The following DNA2 variants were observed in gnomAD, a reference collection of about 807,000 sequenced individuals.
The protein encoded by DNA2 is DNA replication helicase/nuclease 2, also known as DNA replication ATP-dependent helicase/nuclease DNA2.
A neutral mutation model predicts 119.1 loss-of-function variants in DNA2; 101 were observed. The observed-to-expected ratio is 0.85, with a 90% CI of 0.72 to 1.00. The LOEUF is 1.00. DNA2 is among the 50% of genes least tolerant of loss of function. The pLI is 0.00. For missense variants in DNA2, 1,121 were observed against 1,255.5 expected (o/e 0.89, Z 1.62); for synonymous variants, 366 against 424.4 (o/e 0.86, Z 1.69).
chr10:68,426,266 A>G (rs2051739231), intron 14 of DNA2, among the ~76,000 whole-genome samples: 4 of 151,138 alleles, frequency 2.6e-5, no homozygotes, highest in Middle Eastern at 7.2e-3. Context: ...AGCCGGGCAC[A>G]GTGGCTCACG....
At chr10:68,449,594 T>C (rs967868129) in intron 6 of DNA2, among the ~76,000 whole-genome samples, 5 of 151,860 alleles carry the variant, frequency 3.3e-5, no homozygotes, top group Non-Finnish European at 5.9e-5. Context: ...CTGGGCAACA[T>C]GGCAAAACTC....
intron 7 of DNA2, among the ~76,000 whole-genome samples, 200 bp from the exon 8 acceptor site, chr10:68,445,283 G>A (rs1404982059): frequency 1.3e-5 from 2 of 152,076 alleles, no homozygotes; most frequent in Admixed American, 1.3e-4. Context: ...TAACCAACAC[G>A]GTGAAACCCC....
intron 14 of DNA2, among the ~76,000 whole-genome samples, chr10:68,425,174 A>C (rs1451861696): frequency 6.9e-6 from 1 of 145,008 alleles, no homozygotes; most frequent in Non-Finnish European, 1.5e-5. Context: ...GGCTCACTGC[A>C]ACCTCCGCCT....
At chr10:68,449,567 G>A (rs1484934255) in intron 6 of DNA2, among the ~76,000 whole-genome samples, 4 of 151,894 alleles carry the variant, frequency 2.6e-5, no homozygotes, top group Non-Finnish European at 5.9e-5. Flanking sequence ...AGGTGAGGTC[G>A]CGAGTTCGAG....
intron 20 of DNA2, among the ~76,000 whole-genome samples, chr10:68,416,157 G>C (rs1234382516): frequency 2.6e-5 from 4 of 152,146 alleles, no homozygotes; most frequent in Non-Finnish European, 5.9e-5. Flanking sequence ...CCTGAGTGAA[G>C]TTAGGCACCA....
chr10:68,433,255 A>C (rs2051844922), intron 10 of DNA2, among the ~76,000 whole-genome samples: 1 of 151,988 alleles, frequency 6.6e-6, no homozygotes, highest in South Asian at 2.1e-4. Context: ...TCCTCTCCCC[A>C]ACCCACACAC....
intron 3 of DNA2, among the ~76,000 whole-genome samples, chr10:68,466,427 A>G (rs1224830550): frequency 1.3e-5 from 2 of 152,158 alleles, no homozygotes; most frequent in African/African-American, 4.8e-5. Flanking sequence ...AGTAAAAGAT[A>G]CCATTCAAAC....
At chr10:68,432,611 C>T in intron 10 of DNA2, 101 bp from the exon 11 acceptor site, 1 of 722,578 alleles carries the variant, frequency 1.4e-6, no homozygotes, top group African/African-American at 1.8e-5. Flanking sequence ...GCCAGAATAG[C>T]TATTAAAATA....
chr10:68,414,963 G>C lies in DNA2; in HGVS notation c.*76C>G. The C allele has an allele frequency of 1.1e-6, 1 of 899,054 alleles. No homozygotes were observed. Among genetic ancestry groups the C allele is most frequent in the South Asian group, 1.8e-5 (1 of 54,622 alleles). The allele number at this position is 899,054 out of a possible 1,614,324, so 55.7% of individuals were successfully genotyped here. A position where few individuals can be genotyped will look rare whatever the true frequency, so the allele number is the denominator to read the frequency against. On this transcript the variant is annotated 3_prime_UTR_variant, in exon 21 of 21. Transcript: ENST00000358410. ...ATAAATACTGCATTAAATTTTGTATGGTGATAGAATTTTCTGTATGGGCAC... is the reference window on the plus strand; with the variant it reads ...ATAAATACTGCATTAAATTTTGTATCGTGATAGAATTTTCTGTATGGGCAC...
chr10:68,460,857 C>A (rs985541590), intron 4 of DNA2, among the ~76,000 whole-genome samples: 1 of 151,674 alleles, frequency 6.6e-6, no homozygotes, highest in African/African-American at 2.4e-5. Context: ...GTTACGTGAC[C>A]TGTGATCTCA....
chr10:68,414,164 A>T lies in DNA2; in HGVS notation c.*875T>A, dbSNP rs903693423. 4 of 151,554 alleles carry T rather than the reference A, an allele frequency of 2.6e-5. No homozygotes were observed. Among genetic ancestry groups the T allele is most frequent in the Admixed American group, 6.6e-5 (1 of 15,180 alleles). 9.4% of individuals were successfully genotyped at this position (151,554 alleles called of 1,614,324 possible). ...AATTTTAACATATTTAACACTCATT[A>T]AAAAAAACCCTCAAGAGAAATGGAA... On this transcript the variant is annotated 3_prime_UTR_variant, in exon 21 of 21. Transcript: ENST00000358410.
At chr10:68,440,313 T>C (rs1045850348) in intron 9 of DNA2, among the ~76,000 whole-genome samples, 14 of 152,056 alleles carry the variant, frequency 9.2e-5, no homozygotes, top group Admixed American at 4.6e-4. Flanking sequence ...TTTATTTATT[T>C]TTTTGAGACG....
intron 2 of DNA2, 119 bp downstream of exon 2, chr10:68,469,862 A>T: frequency 1.1e-6 from 1 of 906,814 alleles, no homozygotes; most frequent in Non-Finnish European, 1.6e-6. Context: ...TTAGGCTAAG[A>T]TCAAACCTAC....
intron 1 of DNA2, chr10:68,470,523 A>G (rs749566149): frequency 4.7e-6 from 2 of 426,218 alleles, no homozygotes; most frequent in South Asian, 1.7e-5. Flanking sequence ...CTGAGGTGGA[A>G]GGACTGCTTG....
At chr10:68,449,020 A>G (rs2052083338) in intron 6 of DNA2, among the ~76,000 whole-genome samples, 1 of 131,470 alleles carries the variant, frequency 7.6e-6, no homozygotes, top group African/African-American at 3.3e-5. Flanking sequence ...GCTGGTCTCA[A>G]ACTCCCGACC....
In DNA2 at chr10:68,416,807, T is replaced by C. The variant is rs769685581; in HGVS notation, c.3016A>G (p.Arg1006Gly). ...AGAAGAATCAGTTTATGTTTGGCTC[T>C]GGTTATAGCAACATTAAGACGTCGC... Reference protein sequence around the residue: ...DWRRLNVAITRAKHKLILLGC... With the variant: ...DWRRLNVAITGAKHKLILLGC... Residue 1006 changes from arginine to glycine, a missense_variant, in exon 20 of 21, where the codon AGA becomes GGA. Transcript: ENST00000358410. The C allele has an allele frequency of 1.9e-6, 3 of 1,613,746 alleles. No individual in the cohort carries two copies. The highest frequency in any genetic ancestry group is 1.1e-5 in the South Asian group (1 of 91,038).
intron 9 of DNA2, 113 bp from the exon 10 acceptor site, chr10:68,437,354 G>A: frequency 1.1e-6 from 1 of 933,586 alleles, no homozygotes; most frequent in Non-Finnish European, 1.6e-6. Flanking sequence ...TTATTATTGA[G>A]GCCGGGTGTG....
intron 5 of DNA2, among the ~76,000 whole-genome samples, chr10:68,457,442 A>G (rs2052199245): frequency 6.6e-6 from 1 of 152,164 alleles, no homozygotes; most frequent in African/African-American, 2.4e-5. Flanking sequence ...AAGGCCTTCC[A>G]TGAACATTCT....
chr10:68,422,409 T>C lies in DNA2; in HGVS notation c.2513A>G (p.Asn838Ser), dbSNP rs1418092170. ...CAGCTTGCCCTCATAGGTCAGCTTA[T>C]TACTTAAGGACATAATTTTACTAAG... is the stretch of plus-strand genomic sequence containing the variant. ...RMNSKIMSLS[N>S]KLTYEGKLEC... Residue 838 changes from asparagine to serine, a missense_variant, in exon 17 of 21, where the codon AAT (asparagine) becomes AGT (serine). Asn to Ser is a conservative substitution (Grantham distance 46, BLOSUM62 1). Coordinates refer to ENST00000358410, the MANE Select transcript of DNA2 (RefSeq NM_001080449.3). The C allele has an allele frequency of 1.2e-6, 2 of 1,613,690 alleles. No homozygotes were observed. Among genetic ancestry groups the C allele is most frequent in the Non-Finnish European group, 1.7e-6 (2 of 1,179,774 alleles).
Sources: gnomAD v4.1 joint callset for allele counts (sites outside exome capture counted in the v4.1 genomes callset) on GRCh38, gnomAD v4.1.1 for gene constraint, MANE v1.5 for transcripts, NCBI Gene and HGNC (gene_info 2026-07-23, HGNC 2026-07-21) for gene names.